FAM156A: variants seen among roughly 807,000 people sequenced by gnomAD.
FAM156A encodes family with sequence similarity 156 member A, also known as protein FAM156A/FAM156B.
rs182418057 is a variant in FAM156A, at chrX:52,981,832, T to C, written c.-434+13474A>G. ...GAAGGCTGAATGAGGAGCTTTTTTT[T>C]TTTTTCAGGAAAAGGGGAAGGTTTT... On this transcript the variant is annotated intron_variant, in intron 1 of 4. Transcript: ENST00000610625. Among the ~76,000 whole-genome samples, 77 of 110,740 alleles carry C rather than the reference T, an allele frequency of 7.0e-4. 1 individual carries two copies. The highest frequency in any genetic ancestry group is 1.3e-3 in the Admixed American group (14 of 10,425).
chrX:52,990,601 T>C (rs1428827188), intron 1 of FAM156A, among the ~76,000 whole-genome samples: 4 of 110,028 alleles, frequency 3.6e-5, no homozygotes. Context: ...CCGGCCATCA[T>C]GGCAAAACCC....
At chrX:52,973,614 C>A (rs1468371233) in intron 1 of FAM156A, among the ~76,000 whole-genome samples, 2 of 111,989 alleles carry the variant, frequency 1.8e-5, no homozygotes, top group Non-Finnish European at 3.8e-5. Context: ...AAATTTGGAT[C>A]TACACACAGA....
chrX:52,982,531 AAAT>A (rs1275755456), intron 1 of FAM156A, among the ~76,000 whole-genome samples: 1 of 112,007 alleles, frequency 8.9e-6, no homozygotes, highest in African/African-American at 3.2e-5. Context: ...TTAAAGTAAA[AAAT>A]AATAATCTCA....
rs1392545020 is a variant in FAM156A, at chrX:52,977,128, CTT to C, written c.-433-12895_-433-12894del. Reference sequence around the variant, plus strand: ...CACATATATATATATATATATATATCTTGATACGTATATATATAAATGAAGAG... The same window carrying C: ...CACATATATATATATATATATATATCGATACGTATATATATAAATGAAGAG... On this transcript the variant is annotated intron_variant, in intron 1 of 4. Coordinates refer to the FAM156A transcript ENST00000610625. 1.4e-4 allele frequency among the ~76,000 whole-genome samples: 13 copies of C among 96,060 alleles called. No homozygotes were observed. In the South Asian group the frequency reaches 4.9e-3, roughly 36 times the overall value. 83.4% of individuals were successfully genotyped at this position (96,060 alleles called of 115,157 possible).
At chrX:52,985,204 T>A (rs1930188050) in intron 1 of FAM156A, among the ~76,000 whole-genome samples, 1 of 109,048 alleles carries the variant, frequency 9.2e-6, no homozygotes, top group Non-Finnish European at 1.9e-5. Context: ...GAGCATGTTC[T>A]CTGATCAAAA....
intron 1 of FAM156A, among the ~76,000 whole-genome samples, chrX:52,977,826 T>C (rs1929598508): frequency 8.9e-6 from 1 of 112,024 alleles, no homozygotes; most frequent in African/African-American, 3.2e-5. Context: ...CTAATAAAAA[T>C]TCAACTGCTA....
intron 1 of FAM156A, among the ~76,000 whole-genome samples, chrX:52,982,174 C>T (rs1556793534): frequency 8.9e-6 from 1 of 111,880 alleles, no homozygotes; most frequent in East Asian, 2.8e-4. Flanking sequence ...TTTTAAAAGG[C>T]TGGGCGTGGT....
intron 1 of FAM156A, among the ~76,000 whole-genome samples, chrX:52,977,015 CAT>C (rs781820152): frequency 8.7e-5 from 9 of 103,565 alleles, no homozygotes; most frequent in Non-Finnish European, 9.8e-5. Context: ...TGGCACTATA[CAT>C]ATATATATAT....
intron 1 of FAM156A, among the ~76,000 whole-genome samples, chrX:52,990,771 G>A (rs1213066686): frequency 2.9e-5 from 2 of 69,868 alleles, no homozygotes; most frequent in African/African-American, 1.1e-4. Flanking sequence ...GCGATAGAGT[G>A]AGACTGTCAA....
intron 1 of FAM156A, among the ~76,000 whole-genome samples, chrX:52,985,986 T>G (rs1203564719): frequency 2.7e-5 from 3 of 110,919 alleles, no homozygotes; most frequent in Admixed American, 9.6e-5. Context: ...ATTCCATCTA[T>G]TAAAAGATGG....
chrX:52,980,915 T>G (rs1055292312), intron 1 of FAM156A, among the ~76,000 whole-genome samples: 3 of 103,959 alleles, frequency 2.9e-5, no homozygotes, highest in Admixed American at 1.1e-4. Flanking sequence ...GAGCAGAATG[T>G]CAGGCTGGAG....
At chrX:52,993,478 G>A (rs1375436211) in intron 1 of FAM156A, among the ~76,000 whole-genome samples, 1 of 92,088 alleles carries the variant, frequency 1.1e-5, no homozygotes, top group African/African-American at 4.2e-5. Flanking sequence ...GCAGTGGCGC[G>A]ATTTTGGCTC....
chrX:52,978,866 A>C (rs1929669183), intron 1 of FAM156A, among the ~76,000 whole-genome samples: 2 of 111,866 alleles, frequency 1.8e-5, no homozygotes, highest in Admixed American at 1.9e-4. Flanking sequence ...AAGCTGTGTC[A>C]CTGGGAAAGG....
intron 1 of FAM156A, among the ~76,000 whole-genome samples, chrX:52,977,085 T>TAC: frequency 1.0e-5 from 1 of 97,276 alleles, no homozygotes; most frequent in African/African-American, 3.7e-5. Flanking sequence ...TATACATATA[T>TAC]ATACACACAC....
intron 1 of FAM156A, among the ~76,000 whole-genome samples, chrX:52,993,445 C>T (rs1440394787): frequency 1.1e-5 from 1 of 89,886 alleles, no homozygotes; most frequent in Non-Finnish European, 2.1e-5. Context: ...GACAAAATCT[C>T]ACTCTGTCAC....
chrX:52,982,498 G>A (rs960768012), intron 1 of FAM156A, among the ~76,000 whole-genome samples: 4 of 111,400 alleles, frequency 3.6e-5, no homozygotes, highest in Non-Finnish European at 7.5e-5. Flanking sequence ...GTCAATTAAT[G>A]TAAGTAACGA....
intron 1 of FAM156A, among the ~76,000 whole-genome samples, chrX:52,985,218 GAA>G (rs782074152): frequency 1.1e-5 from 1 of 94,370 alleles, no homozygotes; most frequent in African/African-American, 3.8e-5. Context: ...ATCAAAATAG[GAA>G]AAAAAAAAAA....
intron 1 of FAM156A, among the ~76,000 whole-genome samples, chrX:52,992,603 C>CT (rs371397834): frequency 0.032 from 3,084 of 95,909 alleles, 47 homozygotes; most frequent in Middle Eastern, 0.095. Flanking sequence ...ACTTGTGAGT[C>CT]TTTTTTTTTT....
chrX:52,982,688 AG>A (rs1317814620), intron 1 of FAM156A, among the ~76,000 whole-genome samples: 2 of 112,185 alleles, frequency 1.8e-5, no homozygotes, highest in African/African-American at 3.2e-5. Flanking sequence ...CATATGCAAG[AG>A]GGAAAAAAGA....
Sources: allele counts gnomAD v4.1 joint callset (sites outside exome capture counted in the v4.1 genomes callset), GRCh38; gene constraint gnomAD v4.1.1; transcripts MANE v1.5; gene names NCBI Gene and HGNC (gene_info 2026-07-23, HGNC 2026-07-21).